FAM169A: variants seen among roughly 807,000 people sequenced by gnomAD.
The protein encoded by FAM169A is soluble lamin-associated protein of 75 kDa.
A neutral mutation model predicts 75.7 loss-of-function variants in FAM169A; 24 were observed. The observed-to-expected ratio is 0.32, with a 90% confidence interval of 0.23 to 0.45. FAM169A has a LOEUF of 0.45. Ranked by LOEUF, FAM169A falls within the 20% of genes least tolerant of loss-of-function variation. The pLI is 1.00. For synonymous variants in FAM169A, 271 were observed against 271.0 expected, an observed-to-expected ratio of 1.00 and a Z score of 0.00; for missense variants, 673 against 784.0, an observed-to-expected ratio of 0.86 and a Z score of 1.69.
chr5:74,862,260 T>C (rs1013206380), intron 1 of FAM169A, among the ~76,000 whole-genome samples: 2 of 152,194 alleles, frequency 1.3e-5, no homozygotes, highest in African/African-American at 4.8e-5. Context: ...CATTATTGGT[T>C]CCCCATCACC....
At chr5:74,816,978 T>TA (rs1180172530) in intron 5 of FAM169A, among the ~76,000 whole-genome samples, 2 of 152,148 alleles carry the variant, frequency 1.3e-5, no homozygotes, top group African/African-American at 4.8e-5. Flanking sequence ...AAAATCTACT[T>TA]AATCATCTCA....
At chr5:74,784,811 C>T (rs1286038184) in intron 11 of FAM169A, among the ~76,000 whole-genome samples, 15 of 144,968 alleles carry the variant, frequency 1.0e-4, no homozygotes, top group South Asian at 9.1e-4. Flanking sequence ...CCCAGCTACT[C>T]GGGAGGCTGA....
At chr5:74,827,150 G>A (rs1337860996) in intron 5 of FAM169A, among the ~76,000 whole-genome samples, 1 of 152,088 alleles carries the variant, frequency 6.6e-6, no homozygotes, top group Non-Finnish European at 1.5e-5. Context: ...ACCATAATCT[G>A]TTGGTTAACA....
Position 74,840,167 on chromosome 5 carries a change from T to C in FAM169A, c.139A>G (p.Ile47Val), listed in dbSNP as rs367755871. The C allele has an allele frequency of 6.6e-6, 10 of 1,526,038 alleles. No individual in the cohort carries two copies. In the East Asian group the frequency reaches 6.9e-5, roughly 11 times the overall value. 94.5% of individuals were successfully genotyped at this position (1,526,038 alleles called of 1,614,324 possible). A position where few individuals can be genotyped will look rare whatever the true frequency, so the allele number is the denominator to read the frequency against. ...CFSLLNITIPISLSNVGFVPL... is the reference protein window; with the variant it reads ...CFSLLNITIPVSLSNVGFVPL... ...ACAAAGCCTACATTTGACAGGCTAA[T>C]AGGAATCTGAAATGACAAATTAATA... The change falls in exon 3 of 13, where the codon ATT becomes GTT. Residue 47 changes from isoleucine to valine, a missense_variant. Coordinates refer to ENST00000687041, the MANE Select transcript of FAM169A (RefSeq NM_001376049.1).
At chr5:74,858,686 C>T (rs1342893227) in intron 1 of FAM169A, among the ~76,000 whole-genome samples, 2 of 152,196 alleles carry the variant, frequency 1.3e-5, no homozygotes, top group East Asian at 1.9e-4. Flanking sequence ...CCCAGCAACA[C>T]GCAATTCGCC....
intron 10 of FAM169A, among the ~76,000 whole-genome samples, chr5:74,797,945 A>T (rs78151553): frequency 0.06 from 9,211 of 152,290 alleles, 605 homozygotes; most frequent in African/African-American, 0.16. Flanking sequence ...CTTAATGAGC[A>T]TGGGTGTCTT....
intron 4 of FAM169A, 47 bp downstream of exon 4, chr5:74,838,918 G>A (rs778090250): frequency 2.3e-6 from 3 of 1,307,826 alleles, no homozygotes; most frequent in Non-Finnish European, 3.3e-6. Context: ...AGGAAACACT[G>A]TGAAATGGCC....
At chr5:74,805,989 A>AAG (rs1254625214) in intron 6 of FAM169A, among the ~76,000 whole-genome samples, 3 of 151,548 alleles carry the variant, frequency 2.0e-5, no homozygotes, top group Admixed American at 6.6e-5. Flanking sequence ...AAAAAAAAAA[A>AAG]AAAAGAAATA....
At chr5:74,847,301 C>T (rs1352238549) in intron 1 of FAM169A, among the ~76,000 whole-genome samples, 1 of 152,000 alleles carries the variant, frequency 6.6e-6, no homozygotes, top group Non-Finnish European at 1.5e-5. Flanking sequence ...TTCCTTCCCC[C>T]CACCACCCCC....
intron 11 of FAM169A, among the ~76,000 whole-genome samples, chr5:74,787,759 G>C (rs1036483347): frequency 5.3e-5 from 8 of 152,166 alleles, no homozygotes. Flanking sequence ...TACAGCTTTT[G>C]CACTGGCTAA....
chr5:74,860,458 C>CCT (rs1749974227), intron 1 of FAM169A, among the ~76,000 whole-genome samples: 2 of 152,096 alleles, frequency 1.3e-5, no homozygotes, highest in African/African-American at 4.8e-5. Context: ...CTCCAATAAC[C>CCT]CTCCAAGTCC....
At chr5:74,789,005 C>A (rs969149199) in intron 11 of FAM169A, among the ~76,000 whole-genome samples, 1 of 152,224 alleles carries the variant, frequency 6.6e-6, no homozygotes, top group Non-Finnish European at 1.5e-5. Context: ...TTGCCAAATG[C>A]CTTTTTCTCC....
At position 74,834,457 on chromosome 5, in the gene FAM169A, C is replaced by A; in HGVS notation, c.459G>T (p.Glu153Asp). 2 of 1,564,316 alleles carry A rather than the reference C, an allele frequency of 1.3e-6. No individual in the cohort carries two copies. Among genetic ancestry groups the A allele is most frequent in the Non-Finnish European group, 1.7e-6 (2 of 1,153,530 alleles). The change falls in exon 5 of 13, where the codon GAG (glutamate) becomes GAT (aspartate). Residue 153 changes from glutamate (E) to aspartate (D), a missense_variant. By Grantham distance (45) the Glu-to-Asp change is conservative (BLOSUM62 2). Coordinates refer to ENST00000687041, the MANE Select transcript of FAM169A (RefSeq NM_001376049.1). ...DYAKILWKKG[E>D]AIGFYSVKPT... ...GCTTAACTGAATAAAACCCAATGGC[C>A]TCTCCTTTCTTCCACAGAATCTTAG...
intron 1 of FAM169A, among the ~76,000 whole-genome samples, chr5:74,851,075 C>T (rs1236263060): frequency 6.6e-6 from 1 of 152,100 alleles, no homozygotes; most frequent in East Asian, 1.9e-4. Context: ...GCCACCACAC[C>T]CAGCTAAGTT....
intron 4 of FAM169A, among the ~76,000 whole-genome samples, chr5:74,835,099 GA>G (rs1317365693): frequency 6.6e-6 from 1 of 151,632 alleles, no homozygotes; most frequent in Non-Finnish European, 1.5e-5. Flanking sequence ...TCTTGGGAAA[GA>G]AATGTGTCTC....
At chr5:74,830,777 CCTA>C (rs1251065294) in intron 5 of FAM169A, among the ~76,000 whole-genome samples, 4 of 151,894 alleles carry the variant, frequency 2.6e-5, no homozygotes, top group Admixed American at 2.0e-4. Context: ...TGAAAATTAA[CCTA>C]CTAAGAATAA....
intron 2 of FAM169A, among the ~76,000 whole-genome samples, chr5:74,840,842 A>C (rs955276198): frequency 6.6e-6 from 1 of 152,146 alleles, no homozygotes; most frequent in African/African-American, 2.4e-5. Flanking sequence ...AAAAAAACAA[A>C]AAAAAAAGCA....
At chr5:74,861,985 C>A (rs1271966389) in intron 1 of FAM169A, among the ~76,000 whole-genome samples, 2 of 152,134 alleles carry the variant, frequency 1.3e-5, no homozygotes. Context: ...AGCCCTGGTG[C>A]CCTGACTTAA....
chr5:74,805,005 AG>A, intron 7 of FAM169A, 150 bp downstream of exon 7: 1 of 642,640 alleles, frequency 1.6e-6, no homozygotes, highest in Non-Finnish European at 2.6e-6. Flanking sequence ...GTCTGTTACT[AG>A]AACAATCACA....
Sources: allele counts gnomAD v4.1 joint callset (sites outside exome capture counted in the v4.1 genomes callset), GRCh38; gene constraint gnomAD v4.1.1; transcripts MANE v1.5; gene names NCBI Gene and HGNC (gene_info 2026-07-23, HGNC 2026-07-21).